Variants in PPP2R2C observed in about 807,000 individuals in gnomAD.
PPP2R2C encodes the protein protein phosphatase 2, regulatory subunit B, gamma.
PPP2R2C carries 10 observed loss-of-function variants against 45.3 expected under a neutral mutation model. The observed-to-expected ratio is 0.22, with a 90% confidence interval of 0.14 to 0.37. The LOEUF is 0.37. Ranked by LOEUF, PPP2R2C falls within the 10% of genes least tolerant of loss-of-function variation. PPP2R2C has a pLI of 1.00. For synonymous variants in PPP2R2C, 257 were observed against 245.4 expected, an observed-to-expected ratio of 1.05 and a Z score of -0.44; for missense variants, 308 against 619.7, an observed-to-expected ratio of 0.50 and a Z score of 5.34.
At chr4:6,472,667 C>A (rs945416698), upstream of PPP2R2C, among the ~76,000 whole-genome samples, 41 of 150,324 alleles carry the variant, frequency 2.7e-4, no homozygotes, top group Admixed American at 7.9e-4. Context: ...TCCCTCGCGC[C>A]GCCCGCTCTC....
intron 1 of PPP2R2C, chr4:6,414,076 ATGTG>A (rs71173440): frequency 0.074 from 64,322 of 872,154 alleles, 1,577 homozygotes; most frequent in East Asian, 0.19. Flanking sequence ...TTGCCTGTGT[ATGTG>A]TGTGTGTGTG....
intron 2 of PPP2R2C, among the ~76,000 whole-genome samples, chr4:6,515,530 C>T (rs979297231): frequency 2.0e-5 from 3 of 152,194 alleles, no homozygotes; most frequent in African/African-American, 7.2e-5. Flanking sequence ...AAAAAGAGAA[C>T]CACAGAGTAC....
chr4:6,482,435 T>C (rs1722385493), intron 2 of PPP2R2C, among the ~76,000 whole-genome samples: 3 of 152,218 alleles, frequency 2.0e-5, no homozygotes, highest in Admixed American at 2.0e-4. Context: ...CACTCTCCTA[T>C]ACTACCTCCG....
At chr4:6,414,011 C>T (rs1010486555) in intron 1 of PPP2R2C, 4 of 1,530,224 alleles carry the variant, frequency 2.6e-6, no homozygotes, top group Non-Finnish European at 2.6e-6. Context: ...ATGGCCAAAA[C>T]CAGATCTATG....
At chr4:6,386,909 A>G (rs964755939) in intron 1 of PPP2R2C, among the ~76,000 whole-genome samples, 2 of 152,224 alleles carry the variant, frequency 1.3e-5, no homozygotes, top group Non-Finnish European at 1.5e-5. Flanking sequence ...AAAGAACTAA[A>G]TGAAAATTCT....
rs1014484091 is a variant in PPP2R2C, at chr4:6,364,545, A to G, written c.625+7978T>C. On this transcript the variant is annotated intron_variant, in intron 5 of 8. Transcript: ENST00000382599. The surrounding 1 kb of genome is among the most constrained non-coding windows in gnomAD (Gnocchi z 5.3). ...AGGAGACACCTGGGGAAACACAGCT[A>G]ATGAAGCAATGATGCTGCAGCTCGG... 4.6e-5 allele frequency among the ~76,000 whole-genome samples: 7 copies of G among 151,948 alleles called. No individual in the cohort carries two copies. The highest frequency in any genetic ancestry group is 8.8e-5 in the Non-Finnish European group (6 of 67,966).
chr4:6,452,761 G>A (rs1720807651), intron 1 of PPP2R2C, among the ~76,000 whole-genome samples: 1 of 152,246 alleles, frequency 6.6e-6, no homozygotes, highest in African/African-American at 2.4e-5. Context: ...GGTGAGACCA[G>A]GGGACTCCCA....
intron 1 of PPP2R2C, among the ~76,000 whole-genome samples, chr4:6,542,905 T>C (rs950233178): frequency 5.3e-5 from 8 of 152,182 alleles, no homozygotes; most frequent in Non-Finnish European, 8.8e-5. Context: ...TCAGGATTCA[T>C]GTGCAGAATA....
Position 6,445,002 on chromosome 4 carries a change from T to C in PPP2R2C, c.70+27158A>G, listed in dbSNP as rs145905951. Among the ~76,000 whole-genome samples, 142 of 151,986 alleles carry C rather than the reference T, an allele frequency of 9.3e-4. 1 individual carries two copies. Among genetic ancestry groups the C allele is most frequent in the African/African-American group, 3.2e-3 (132 of 41,402 alleles). On this transcript the variant is annotated intron_variant, in intron 1 of 8. Coordinates refer to ENST00000382599, the MANE Select transcript of PPP2R2C (RefSeq NM_020416.4). ...GGGTTCCAGATCAGTCTGGGCAACA[T>C]GGTGAGACCCCAACTCTACAAAAAA...
intron 1 of PPP2R2C, among the ~76,000 whole-genome samples, chr4:6,411,055 G>T (rs886101596): frequency 6.6e-6 from 1 of 151,856 alleles, no homozygotes; most frequent in Non-Finnish European, 1.5e-5. Context: ...ATTTTTTGTA[G>T]AGATGGAGTT....
At position 6,393,166 on chromosome 4, in the gene PPP2R2C, C is replaced by G. The variant is rs565563354; in HGVS notation, c.71-12072G>C. On this transcript the variant is annotated intron_variant, in intron 1 of 8. Transcript: ENST00000382599. ...ACAGTCTAATGCCAGAACATTCCCA[C>G]CGCCCCAAAAAGAAACTCAGAACAT... 2.0e-5 allele frequency among the ~76,000 whole-genome samples: 3 copies of G among 152,282 alleles called. No individual in the cohort carries two copies. The South Asian group carries it at 6.2e-4, about 32-fold the overall frequency.
chr4:6,459,636 T>C (rs143474645), intron 1 of PPP2R2C, among the ~76,000 whole-genome samples: 3 of 152,254 alleles, frequency 2.0e-5, no homozygotes, highest in Admixed American at 1.3e-4. Context: ...TCAATCTCAC[T>C]GAAAAATGCT....
In PPP2R2C at chr4:6,382,756, C is replaced by T. The variant is rs6845887; in HGVS notation, c.71-1662G>A. 5.6e-3 allele frequency: 3,643 copies of T among 645,322 alleles called. 133 individuals are homozygous for T. The African/African-American group carries it at 0.065, about 11-fold the overall frequency. 40.0% of individuals were successfully genotyped at this position (645,322 alleles called of 1,614,324 possible). The stretch of plus-strand genomic sequence containing the variant: ...TGCCTGCTCAGCCTTCACAGCATAT[C>T]GGGATGCCAGCCACTCTCCCACCTC... On this transcript the variant is annotated intron_variant, in intron 1 of 8. Coordinates refer to ENST00000382599, the MANE Select transcript of PPP2R2C (RefSeq NM_020416.4).
rs1731751025 is a variant in PPP2R2C, at chr4:6,324,098, G to T, written c.1053-505C>A. Among the ~76,000 whole-genome samples, 1 of 152,074 alleles carries T rather than the reference G, an allele frequency of 6.6e-6. No homozygotes were observed. Among genetic ancestry groups the T allele is most frequent in the Non-Finnish European group, 1.5e-5 (1 of 68,008 alleles). ...ACCAACATGCAGACTTTGGGGCCAG[G>T]AGCTAAGATCCTTTTTATCCTCTGC... On this transcript the variant is annotated intron_variant, in intron 8 of 8. Coordinates refer to ENST00000382599, the MANE Select transcript of PPP2R2C (RefSeq NM_020416.4). The surrounding 1 kb of genome is among the most constrained non-coding windows in gnomAD (Gnocchi z 4.1).
chr4:6,333,449 A>G, intron 7 of PPP2R2C, 113 bp downstream of exon 7: 1 of 1,234,014 alleles, frequency 8.1e-7, no homozygotes, highest in Non-Finnish European at 1.1e-6. Context: ...CCGTGTCTTC[A>G]CCTACATACC....
intron 1 of PPP2R2C, among the ~76,000 whole-genome samples, chr4:6,436,812 C>G (rs1719919948): frequency 6.6e-6 from 1 of 152,174 alleles, no homozygotes; most frequent in African/African-American, 2.4e-5. Flanking sequence ...TTCATTTAAA[C>G]TTTATTCACA....
At chr4:6,441,744 T>C (rs1720164236) in intron 1 of PPP2R2C, among the ~76,000 whole-genome samples, 1 of 152,080 alleles carries the variant, frequency 6.6e-6, no homozygotes. Context: ...GGTGGTGCTG[T>C]AGAAAGGAGG....
At chr4:6,526,214 A>C (rs912376214) in intron 2 of PPP2R2C, among the ~76,000 whole-genome samples, 6 of 152,234 alleles carry the variant, frequency 3.9e-5, no homozygotes, top group Admixed American at 2.0e-4. Context: ...GTCTCCGTGA[A>C]TATTCATAGC....
At chr4:6,356,237 G>A (rs1217712264) in intron 5 of PPP2R2C, among the ~76,000 whole-genome samples, 2 of 152,174 alleles carry the variant, frequency 1.3e-5, no homozygotes, top group African/African-American at 4.8e-5. Context: ...CCCCAGCCAA[G>A]CACCTAGTAC....
Sources: allele counts gnomAD v4.1 joint callset (sites outside exome capture counted in the v4.1 genomes callset), GRCh38; gene constraint gnomAD v4.1.1; non-coding constraint Gnocchi (gnomAD v3.1); transcripts MANE v1.5; gene names NCBI Gene and HGNC (gene_info 2026-07-23, HGNC 2026-07-21).